Variants in ULK4 observed in about 807,000 individuals in gnomAD.
ULK4 encodes unc-51 like kinase 4.
ULK4 carries 133 observed loss-of-function variants against 160.6 expected under a neutral mutation model. The observed-to-expected ratio is 0.83, with a 90% CI of 0.72 to 0.96. The LOEUF is 0.96. Ranked by LOEUF, ULK4 falls within the 40% of genes least tolerant of loss-of-function variation. The pLI, the probability that ULK4 is intolerant of heterozygous loss-of-function variation, is 0.00. For synonymous variants in ULK4, 534 were observed against 539.8 expected (o/e 0.99, Z 0.15); for missense variants, 1,580 against 1,499.5 (o/e 1.05, Z -0.89).
chr3:41,934,408 C>A (rs1303667283), intron 4 of ULK4, among the ~76,000 whole-genome samples: 1 of 152,160 alleles, frequency 6.6e-6, no homozygotes, highest in Non-Finnish European at 1.5e-5. Flanking sequence ...CCAGCTTTTT[C>A]TTTCCTTGGC....
At chr3:41,830,492 G>C (rs2041540918) in intron 18 of ULK4, among the ~76,000 whole-genome samples, 1 of 151,854 alleles carries the variant, frequency 6.6e-6, no homozygotes, top group Admixed American at 6.6e-5. Flanking sequence ...GGAGGTGATA[G>C]GTTCATTTTC....
chr3:41,807,997 C>A (rs2040700696), intron 19 of ULK4, among the ~76,000 whole-genome samples: 1 of 152,194 alleles, frequency 6.6e-6, no homozygotes, highest in Non-Finnish European at 1.5e-5. Flanking sequence ...CCCACCCACA[C>A]AGAGTTGTCG....
At chr3:41,854,267 C>T (rs2125676446) in intron 17 of ULK4, 2 of 152,454 alleles carry the variant, frequency 1.3e-5, no homozygotes, top group South Asian at 4.1e-4. Context: ...CCCCTTAAAC[C>T]ATCCCTCTTA....
At chr3:41,520,010 C>T (rs145284213) in intron 32 of ULK4, among the ~76,000 whole-genome samples, 32 of 152,174 alleles carry the variant, frequency 2.1e-4, no homozygotes, top group Non-Finnish European at 3.7e-4. Context: ...ACAAAAGACA[C>T]GTGTGTCATT....
chr3:41,326,628 C>T (rs778323625), intron 35 of ULK4, among the ~76,000 whole-genome samples: 44 of 152,074 alleles, frequency 2.9e-4, no homozygotes, highest in Admixed American at 1.4e-3. Context: ...AAAAAGGTTA[C>T]CTGAAATGTG....
intron 17 of ULK4, among the ~76,000 whole-genome samples, chr3:41,880,848 G>A (rs1307216659): frequency 6.6e-6 from 1 of 152,044 alleles, no homozygotes; most frequent in Non-Finnish European, 1.5e-5. Context: ...TCTTCAACCC[G>A]GGAGGCAGAG....
At chr3:41,534,878 T>G (rs2086444176) in intron 32 of ULK4, among the ~76,000 whole-genome samples, 1 of 152,166 alleles carries the variant, frequency 6.6e-6, no homozygotes, top group African/African-American at 2.4e-5. Context: ...ACAGTAAGGT[T>G]TATTATAATT....
chr3:41,712,197 C>T (rs1356599982), intron 25 of ULK4, among the ~76,000 whole-genome samples: 2 of 152,048 alleles, frequency 1.3e-5, no homozygotes, highest in African/African-American at 4.8e-5. Flanking sequence ...ACCAAAAAAA[C>T]AAAAAATGTC....
At chr3:41,460,155 A>C (rs2083649971) in intron 33 of ULK4, among the ~76,000 whole-genome samples, 1 of 152,208 alleles carries the variant, frequency 6.6e-6, no homozygotes. Context: ...AGAAAGACTC[A>C]GTAGCCACAT....
intron 32 of ULK4, among the ~76,000 whole-genome samples, chr3:41,485,898 T>C (rs2084510018): frequency 1.3e-5 from 2 of 152,166 alleles, no homozygotes; most frequent in Non-Finnish European, 1.5e-5. Context: ...CTGGCAGAAA[T>C]AGCCATAAAG....
intron 31 of ULK4, among the ~76,000 whole-genome samples, chr3:41,611,459 G>C (rs2032672473): frequency 6.6e-6 from 1 of 152,186 alleles, no homozygotes; most frequent in African/African-American, 2.4e-5. Context: ...CCCTGAATGT[G>C]ATGTTAGAAC....
intron 27 of ULK4, among the ~76,000 whole-genome samples, chr3:41,690,959 G>C (rs541456081): frequency 1.3e-5 from 2 of 151,884 alleles, no homozygotes; most frequent in Admixed American, 1.3e-4. Context: ...GCAACATCAG[G>C]TGATAGGCGG....
Position 41,555,579 on chromosome 3 carries a change from T to G in ULK4, c.3226+10446A>C, listed in dbSNP as rs1575406744. ...CACTTATACACTGTTGGTGGGAGTG[T>G]AAATGAATTCAGCCATTGTGGAATA... On this transcript the variant is annotated intron_variant, in intron 32 of 36. Coordinates refer to ENST00000301831, the MANE Select transcript of ULK4 (RefSeq NM_017886.4). Among the ~76,000 whole-genome samples the G allele has an allele frequency of 2.0e-5, 3 of 152,308 alleles. No homozygotes were observed. In the Middle Eastern group the frequency reaches 0.01, roughly 518 times the overall value.
chr3:41,620,767 G>T (rs949349394), intron 30 of ULK4, among the ~76,000 whole-genome samples: 4 of 152,268 alleles, frequency 2.6e-5, no homozygotes, highest in Non-Finnish European at 5.9e-5. Flanking sequence ...TCTGGCTGGG[G>T]CAATCAGGCA....
At chr3:41,559,121 G>T (rs1458960864) in intron 32 of ULK4, among the ~76,000 whole-genome samples, 1 of 148,138 alleles carries the variant, frequency 6.8e-6, no homozygotes, top group Admixed American at 6.8e-5. Context: ...GTGAGAATAT[G>T]CAGTGTTTGG....
At chr3:41,819,290 T>A in intron 19 of ULK4, 133 bp downstream of exon 19, 1 of 734,858 alleles carries the variant, frequency 1.4e-6, no homozygotes, top group Non-Finnish European at 2.1e-6. Context: ...TGGTAGGTTG[T>A]CGGGATTATT....
At chr3:41,614,435 T>C (rs1449979484) in intron 31 of ULK4, among the ~76,000 whole-genome samples, 2 of 152,260 alleles carry the variant, frequency 1.3e-5, no homozygotes, top group African/African-American at 4.8e-5. Flanking sequence ...AATGTGTATC[T>C]GACTGAAGAT....
rs775341345 is a variant in ULK4, at chr3:41,897,014, A to G, written c.1349-11T>C. ...ATAATAACTTATCCACTGCGATGGA[A>G]AGAAAATAATAAAAGTACATATGAT... On this transcript the variant is annotated splice_polypyrimidine_tract_variant and intron_variant, in intron 14 of 36. Coordinates refer to ENST00000301831, the MANE Select transcript of ULK4 (RefSeq NM_017886.4). The G allele has an allele frequency of 6.3e-7, 1 of 1,594,660 alleles. No individual in the cohort carries two copies. Among genetic ancestry groups the G allele is most frequent in the South Asian group, 1.1e-5 (1 of 90,364 alleles).
At chr3:41,594,101 G>A (rs1049263163) in intron 31 of ULK4, among the ~76,000 whole-genome samples, 8 of 152,114 alleles carry the variant, frequency 5.3e-5, no homozygotes, top group Admixed American at 5.2e-4. Flanking sequence ...TGGGCAAGCA[G>A]AGTTATTTTT....
Sources: gnomAD v4.1 joint callset for allele counts (sites outside exome capture counted in the v4.1 genomes callset) on GRCh38, gnomAD v4.1.1 for gene constraint, MANE v1.5 for transcripts, NCBI Gene and HGNC (gene_info 2026-07-23, HGNC 2026-07-21) for gene names.